Variants in FYN observed in about 807,000 individuals in gnomAD.
The protein encoded by FYN is tyrosine-protein kinase Fyn.
A neutral mutation model predicts 70.2 loss-of-function variants in FYN; 10 were observed. The observed-to-expected ratio is 0.14, with a 90% CI of 0.09 to 0.24. The LOEUF (loss-of-function observed/expected upper bound fraction) is 0.24. FYN is among the 10% of genes least tolerant of loss of function. The probability of loss-of-function intolerance (pLI) is 1.00; values close to 1 mark genes in which losing one functional copy is unlikely to be tolerated. For missense variants in FYN, 319 were observed against 673.1 expected (o/e 0.47, Z 5.82); for synonymous variants, 236 against 248.6 (o/e 0.95, Z 0.48).
intron 3 of FYN, among the ~76,000 whole-genome samples, chr6:111,763,020 C>T (rs988305054): frequency 4.6e-5 from 7 of 152,204 alleles, no homozygotes; most frequent in African/African-American, 9.6e-5. Context: ...CTTTATCTTT[C>T]AGGCCCCCTG....
chr6:111,716,431 C>T lies in FYN; in HGVS notation c.248-1988G>A, dbSNP rs1366572262. 2.6e-5 allele frequency among the ~76,000 whole-genome samples: 4 copies of T among 152,090 alleles called. No individual in the cohort carries two copies. In the East Asian group the frequency reaches 5.8e-4, roughly 22 times the overall value. On this transcript the variant is annotated intron_variant, in intron 4 of 13. Transcript: ENST00000354650. ...GTCACGGTATCACTGGTTCTATGCT[C>T]CCTGGAATATTACTGCTTTGTGAAA... is the stretch of plus-strand genomic sequence containing the variant.
chr6:111,862,835 T>G (rs746149925), intron 1 of FYN, among the ~76,000 whole-genome samples: 2 of 151,946 alleles, frequency 1.3e-5, no homozygotes, highest in Admixed American at 6.6e-5. Context: ...CTTTTGAGAG[T>G]TGGGATTCCA....
chr6:111,706,696 C>T (rs1266969168), intron 6 of FYN, among the ~76,000 whole-genome samples: 1 of 152,124 alleles, frequency 6.6e-6, no homozygotes, highest in African/African-American at 2.4e-5. Flanking sequence ...AAATAATATT[C>T]TTTAAAAACA....
intron 12 of FYN, among the ~76,000 whole-genome samples, chr6:111,676,191 A>C (rs1215889591): frequency 6.6e-6 from 1 of 152,218 alleles, no homozygotes; most frequent in Non-Finnish European, 1.5e-5. Context: ...GCATATGATA[A>C]CATCTTTAGT....
chr6:111,842,734 C>T (rs902424788), intron 2 of FYN, among the ~76,000 whole-genome samples: 12 of 152,180 alleles, frequency 7.9e-5, no homozygotes, highest in African/African-American at 2.2e-4. Context: ...ATTCCTGATG[C>T]GGCCTCAAAT....
At chr6:111,713,351 G>C (rs1165888851) in intron 5 of FYN, among the ~76,000 whole-genome samples, 6 of 152,156 alleles carry the variant, frequency 3.9e-5, no homozygotes. Flanking sequence ...GGAAAGCTGA[G>C]GAGCCTGGCT....
intron 1 of FYN, among the ~76,000 whole-genome samples, chr6:111,860,499 T>G (rs1245507157): frequency 1.3e-5 from 2 of 152,196 alleles, no homozygotes; most frequent in East Asian, 3.9e-4. Flanking sequence ...ACAGAACCTC[T>G]GTCACAGCTA....
At chr6:111,867,061 C>T (rs79001334) in intron 1 of FYN, among the ~76,000 whole-genome samples, 7,630 of 152,282 alleles carry the variant, frequency 0.05, 246 homozygotes, top group South Asian at 0.12. Context: ...CTCCTCTGTT[C>T]CTGGGCTTGC....
intron 9 of FYN, chr6:111,696,916 T>C (rs1799600354): frequency 2.0e-5 from 3 of 152,470 alleles, no homozygotes; most frequent in Admixed American, 2.0e-4. Context: ...CATGAGGATG[T>C]CTGGAAATTA....
chr6:111,726,079 G>A (rs1028815696), intron 3 of FYN, among the ~76,000 whole-genome samples: 1 of 152,166 alleles, frequency 6.6e-6, no homozygotes, highest in African/African-American at 2.4e-5. Context: ...AGAACAGCTC[G>A]GTCAAGAACC....
At chr6:111,849,225 T>C (rs2114487065) in intron 1 of FYN, among the ~76,000 whole-genome samples, 1 of 152,286 alleles carries the variant, frequency 6.6e-6, no homozygotes, top group East Asian at 1.9e-4. Context: ...GTTGCAAATG[T>C]GTGGTCAACT....
chr6:111,857,054 C>G (rs1562547392), intron 1 of FYN, among the ~76,000 whole-genome samples: 1 of 152,150 alleles, frequency 6.6e-6, no homozygotes, highest in Admixed American at 6.6e-5. Flanking sequence ...CTCCCCCTCT[C>G]TCATTTGAGT....
At chr6:111,692,106 C>CA (rs1019239686) in intron 12 of FYN, among the ~76,000 whole-genome samples, 3 of 148,162 alleles carry the variant, frequency 2.0e-5, no homozygotes, top group African/African-American at 2.5e-5. Context: ...TCATTTCCCC[C>CA]CCCCCCAGTT....
chr6:111,714,199 C>G, intron 5 of FYN, 148 bp downstream of exon 5: 1 of 615,914 alleles, frequency 1.6e-6, no homozygotes, highest in South Asian at 2.0e-5. Flanking sequence ...ACTGACTCTT[C>G]TTTTTCTCAA....
intron 2 of FYN, among the ~76,000 whole-genome samples, chr6:111,802,718 C>T (rs1356169906): frequency 2.6e-5 from 4 of 151,750 alleles, no homozygotes; most frequent in East Asian, 1.9e-4. Flanking sequence ...CATGAGCCAC[C>T]GTGCCTGGTC....
intron 2 of FYN, among the ~76,000 whole-genome samples, chr6:111,840,199 G>GC (rs1357053244): frequency 6.6e-6 from 1 of 152,166 alleles, no homozygotes; most frequent in African/African-American, 2.4e-5. Flanking sequence ...GGCAGAAAAT[G>GC]CCCCCCAAAA....
intron 3 of FYN, among the ~76,000 whole-genome samples, chr6:111,727,877 C>G (rs933771663): frequency 6.6e-6 from 1 of 152,114 alleles, no homozygotes; most frequent in Non-Finnish European, 1.5e-5. Flanking sequence ...GTTCAAATGG[C>G]CCCCAGGCTA....
At chr6:111,737,785 C>T (rs1320676416) in intron 3 of FYN, among the ~76,000 whole-genome samples, 1 of 152,170 alleles carries the variant, frequency 6.6e-6, no homozygotes, top group East Asian at 1.9e-4. Flanking sequence ...CATGACCAGT[C>T]CCCATCCTCT....
At chr6:111,759,228 T>C (rs1467117905) in intron 3 of FYN, 1 of 152,230 alleles carries the variant, frequency 6.6e-6, no homozygotes, top group Non-Finnish European at 1.5e-5. Context: ...CCCATTGCCT[T>C]CTTCTGGCTT....
Sources: allele counts gnomAD v4.1 joint callset (sites outside exome capture counted in the v4.1 genomes callset), GRCh38; gene constraint gnomAD v4.1.1; transcripts MANE v1.5; gene names NCBI Gene and HGNC (gene_info 2026-07-23, HGNC 2026-07-21).